GRID1: variants seen among roughly 807,000 people sequenced by gnomAD.
The protein encoded by GRID1 is glutamate ionotropic receptor delta type subunit 1, also known as glutamate receptor ionotropic, delta-1.
A neutral mutation model predicts 98.0 loss-of-function variants in GRID1; 28 were observed. That is an observed-to-expected ratio of 0.29 (90% CI 0.21 to 0.39). The LOEUF (loss-of-function observed/expected upper bound fraction) is 0.39. Ranked by LOEUF, GRID1 falls within the 10% of genes least tolerant of loss-of-function variation. The pLI is 1.00. For synonymous variants in GRID1, 553 were observed against 538.5 expected (o/e 1.03, Z -0.37); for missense variants, 1,111 against 1,340.5 (o/e 0.83, Z 2.67).
chr10:86,053,724 G>A (rs573071382), intron 4 of GRID1, among the ~76,000 whole-genome samples: 70 of 152,262 alleles, frequency 4.6e-4, no homozygotes, highest in Non-Finnish European at 8.8e-4. Flanking sequence ...TTCCTCAGGG[G>A]CTGCTGAGGG....
chr10:86,049,248 AT>A (rs1843466652), intron 4 of GRID1, among the ~76,000 whole-genome samples: 2 of 152,214 alleles, frequency 1.3e-5, no homozygotes, highest in African/African-American at 4.8e-5. Flanking sequence ...CCACAGCCTC[AT>A]CCCCCTCTAC....
intron 2 of GRID1, among the ~76,000 whole-genome samples, chr10:86,332,442 G>T (rs981994731): frequency 6.6e-6 from 1 of 152,096 alleles, no homozygotes; most frequent in African/African-American, 2.4e-5. Flanking sequence ...GCTCCCAGGG[G>T]TCTGCTGGGG....
chr10:85,776,404 C>T (rs558408846), intron 8 of GRID1, among the ~76,000 whole-genome samples: 3 of 152,294 alleles, frequency 2.0e-5, no homozygotes, highest in South Asian at 4.1e-4. Context: ...TAAAAGGTTA[C>T]TAAATAAATA....
At chr10:85,950,485 A>C (rs1005925177) in intron 4 of GRID1, among the ~76,000 whole-genome samples, 1 of 152,208 alleles carries the variant, frequency 6.6e-6, no homozygotes, top group Non-Finnish European at 1.5e-5. Flanking sequence ...TAAGACTTTT[A>C]AAAATGATAC....
chr10:86,217,894 C>T (rs1846198667), intron 2 of GRID1, among the ~76,000 whole-genome samples: 1 of 152,128 alleles, frequency 6.6e-6, no homozygotes, highest in Admixed American at 6.5e-5. Context: ...ACCACAGAGC[C>T]TGCCTCAGCC....
At chr10:85,763,959 A>C (rs987269576) in intron 8 of GRID1, among the ~76,000 whole-genome samples, 7 of 152,206 alleles carry the variant, frequency 4.6e-5, no homozygotes, top group Non-Finnish European at 1.0e-4. Flanking sequence ...ACTCCATTTA[A>C]AGATTAAATA....
chr10:85,778,968 T>A (rs61855962), intron 8 of GRID1, among the ~76,000 whole-genome samples: 2,582 of 152,276 alleles, frequency 0.017, 39 homozygotes, highest in Non-Finnish European at 0.028. Context: ...TAGAGGAGGA[T>A]GAAGGAGAAG....
chr10:85,909,117 G>A (rs1841501638), intron 5 of GRID1, among the ~76,000 whole-genome samples: 1 of 152,108 alleles, frequency 6.6e-6, no homozygotes, highest in Admixed American at 6.5e-5. Flanking sequence ...ATATAAATGG[G>A]TAAGTTGTTT....
chr10:85,897,669 A>G (rs1486044628), intron 5 of GRID1, among the ~76,000 whole-genome samples: 1 of 152,224 alleles, frequency 6.6e-6, no homozygotes, highest in Non-Finnish European at 1.5e-5. Context: ...ATTTTGATAT[A>G]TGTATACATT....
rs1848658164 is a variant in GRID1 at position 86,365,188 on chromosome 10, G to A, written c.80-1092C>T. ...GAAGCAGGTTTGGTCACGGGCCCCT[G>A]AGGAGGAATCGTAGCTCTCCGAGCC... On this transcript the variant is annotated intron_variant, in intron 1 of 15. Transcript: ENST00000327946. The surrounding 1 kb of genome is among the most constrained non-coding windows in gnomAD (Gnocchi z 4.8). 6.6e-6 allele frequency among the ~76,000 whole-genome samples: 1 copy of A among 152,106 alleles called. No homozygotes were observed. The highest frequency in any genetic ancestry group is 2.1e-4 in the South Asian group (1 of 4,822).
intron 4 of GRID1, among the ~76,000 whole-genome samples, chr10:86,090,077 C>T (rs771103456): frequency 6.6e-6 from 1 of 151,424 alleles, no homozygotes; most frequent in South Asian, 2.1e-4. Context: ...AATACAATAA[C>T]CAAAAATAAA....
At chr10:86,165,810 C>T (rs571564917) in intron 3 of GRID1, among the ~76,000 whole-genome samples, 40 of 152,178 alleles carry the variant, frequency 2.6e-4, no homozygotes, top group Non-Finnish European at 4.4e-4. Flanking sequence ...TAGGGCAAGA[C>T]GGCGCTGTGA....
At chr10:85,758,228 A>T (rs1842117049) in intron 8 of GRID1, among the ~76,000 whole-genome samples, 1 of 152,234 alleles carries the variant, frequency 6.6e-6, no homozygotes, top group Non-Finnish European at 1.5e-5. Context: ...TGCATTATCA[A>T]ATAATTGCAA....
chr10:85,769,399 C>T (rs1007097739), intron 8 of GRID1, among the ~76,000 whole-genome samples: 3 of 152,218 alleles, frequency 2.0e-5, no homozygotes, highest in Admixed American at 6.5e-5. Context: ...GTGAGCGACA[C>T]AGAAGACGGG....
intron 2 of GRID1, among the ~76,000 whole-genome samples, chr10:86,253,967 C>T (rs566061064): frequency 3.4e-4 from 51 of 151,830 alleles, no homozygotes; most frequent in African/African-American, 1.2e-3. Context: ...ACCACCTGTA[C>T]AGAAAGCCAA....
At chr10:85,930,609 C>T (rs1206517634) in intron 4 of GRID1, among the ~76,000 whole-genome samples, 4 of 151,682 alleles carry the variant, frequency 2.6e-5, no homozygotes, top group Non-Finnish European at 5.9e-5. Context: ...ATTATGCTTA[C>T]TTTTATCTTG....
chr10:86,129,374 T>C (rs1844801669), intron 4 of GRID1, among the ~76,000 whole-genome samples: 1 of 152,176 alleles, frequency 6.6e-6, no homozygotes, highest in South Asian at 2.1e-4. Context: ...CAACAGCACA[T>C]AGTAGAAAAA....
chr10:85,694,229 A>G (rs1006127695), intron 12 of GRID1, among the ~76,000 whole-genome samples: 1 of 152,110 alleles, frequency 6.6e-6, no homozygotes, highest in African/African-American at 2.4e-5. Context: ...GTGAGTTACC[A>G]TCTTACACCA....
chr10:85,730,881 T>C (rs1280430042), intron 8 of GRID1, among the ~76,000 whole-genome samples: 2 of 152,194 alleles, frequency 1.3e-5, no homozygotes, highest in Non-Finnish European at 2.9e-5. Flanking sequence ...TGCTAATCCA[T>C]GGACCACAAT....
Sources: allele counts gnomAD v4.1 joint callset (sites outside exome capture counted in the v4.1 genomes callset), GRCh38; gene constraint gnomAD v4.1.1; non-coding constraint Gnocchi (gnomAD v3.1); transcripts MANE v1.5; gene names NCBI Gene and HGNC (gene_info 2026-07-23, HGNC 2026-07-21).